The following AK2 variants were observed in gnomAD, a reference collection of about 807,000 sequenced individuals.
AK2 encodes the protein adenylate kinase 2, mitochondrial.
AK2 carries 15 observed loss-of-function variants against 24.6 expected under a neutral mutation model. That is an observed-to-expected ratio of 0.61 (90% CI 0.41 to 0.94). The LOEUF (loss-of-function observed/expected upper bound fraction) is 0.94, where lower values mean the gene tolerates loss of function less well. AK2 is among the 40% of genes least tolerant of loss of function. AK2 has a pLI of 0.00. For missense variants in AK2, 257 were observed against 304.1 expected (o/e 0.85, Z 1.15); for synonymous variants, 102 against 114.0 (o/e 0.90, Z 0.67).
chr1:33,015,954 G>C (rs957310487), intron 4 of AK2, among the ~76,000 whole-genome samples: 4 of 152,124 alleles, frequency 2.6e-5, no homozygotes, highest in African/African-American at 9.7e-5. Context: ...TCTGTAAAAT[G>C]TGCTACTTTC....
rs1361000775 is a variant in AK2 at position 33,009,912 on chromosome 1, A to C, written c.*3269T>G. 1 of 441,308 alleles carries C rather than the reference A, an allele frequency of 2.3e-6. No homozygotes were observed. The highest frequency in any genetic ancestry group is 4.5e-6 in the Non-Finnish European group (1 of 221,394). The allele number at this position is 441,308 out of a possible 1,614,324, so 27.3% of individuals were successfully genotyped here. A position where few individuals can be genotyped will look rare whatever the true frequency, so the allele number is the denominator to read the frequency against. On this transcript the variant is annotated 3_prime_UTR_variant, in exon 6 of 6. Coordinates refer to ENST00000672715, the MANE Select transcript of AK2 (RefSeq NM_001625.4). ...TAGATTATCTAAAAAAAATGCCACA[A>C]CAGGGGATACAAATTTTAACATATT...
rs949197052 is a variant in AK2, at chr1:33,026,127, A to G, written c.94-1560T>C. On this transcript the variant is annotated intron_variant, in intron 1 of 5. Transcript: ENST00000672715. ...GCTCAATTTTAGCTTTTTCCGTTCAATTGTTTTATAAACTAAGCAGGTTTA... is the reference window on the plus strand; with the variant it reads ...GCTCAATTTTAGCTTTTTCCGTTCAGTTGTTTTATAAACTAAGCAGGTTTA... 2.6e-5 allele frequency among the ~76,000 whole-genome samples: 4 copies of G among 152,228 alleles called. No homozygotes were observed. In the South Asian group the frequency reaches 8.3e-4, roughly 32 times the overall value.
At chr1:33,024,601 T>C in intron 1 of AK2, 34 bp from the exon 2 acceptor site, 2 of 1,613,838 alleles carry the variant, frequency 1.2e-6, no homozygotes, top group Non-Finnish European at 1.7e-6. Context: ...AAGATTCAAT[T>C]ACATTACAGG....
At position 33,036,726 on chromosome 1, in the gene AK2, T is replaced by G; in HGVS notation, c.93+10A>C. ...CAGGCTCCGCCGCCAAGCCCAGTCC[T>G]GCCGCTCACCTGGGTCCCTTTACCG... On this transcript the variant is annotated intron_variant, in intron 1 of 5. Transcript: ENST00000672715. 6.4e-7 allele frequency: 1 copy of G among 1,571,876 alleles called. No homozygotes were observed. The highest frequency in any genetic ancestry group is 8.6e-7 in the Non-Finnish European group (1 of 1,156,776).
Position 33,010,969 on chromosome 1 carries a change from C to T in AK2, c.*2212G>A, listed in dbSNP as rs970782050. 2 of 1,548,848 alleles carry T rather than the reference C, an allele frequency of 1.3e-6. No homozygotes were observed. Among genetic ancestry groups the T allele is most frequent in the Non-Finnish European group, 1.7e-6 (2 of 1,146,464 alleles). ...ATTTCTGTGACAGGTAAAAGCAGAA[C>T]CTGCTGAGGCTGAGGAACTCTGGAA... On this transcript the variant is annotated 3_prime_UTR_variant, in exon 6 of 6. Transcript: ENST00000672715.
In AK2 at chr1:33,020,123, C is replaced by T. The variant is rs1387938836; in HGVS notation, c.425+1244G>A. ...CTAAAGCAGTGTTGGTCTGTCAGAA[C>T]AAACGTGTCCAGAAGCAGAGGCATT... On this transcript the variant is annotated intron_variant, in intron 4 of 5. Coordinates refer to ENST00000672715, the MANE Select transcript of AK2 (RefSeq NM_001625.4). 6 of 1,533,730 alleles carry T rather than the reference C, an allele frequency of 3.9e-6. No homozygotes were observed. The African/African-American group carries it at 5.5e-5, about 14-fold the overall frequency.
chr1:33,008,570 A>T lies in AK2; in HGVS notation c.*4611T>A. On this transcript the variant is annotated 3_prime_UTR_variant, in exon 6 of 6. Transcript: ENST00000672715. ...GCAGAGCTACGCAAGTAATTAAATC[A>T]CTTCAGCAACAAGATCAAGGGGACG... 1 of 454,058 alleles carries T rather than the reference A, an allele frequency of 2.2e-6. No individual in the cohort carries two copies. The highest frequency in any genetic ancestry group is 4.4e-6 in the Non-Finnish European group (1 of 226,778). The allele number at this position is 454,058 out of a possible 1,614,324, so 28.1% of individuals were successfully genotyped here. A position where few individuals can be genotyped will look rare whatever the true frequency, so the allele number is the denominator to read the frequency against.
chr1:33,013,502 T>G lies in AK2; in HGVS notation c.499-100A>C. On this transcript the variant is annotated intron_variant, in intron 5 of 5. Coordinates refer to ENST00000672715, the MANE Select transcript of AK2 (RefSeq NM_001625.4). ...TGAGATGGGACCATTCTGCCCAGGA[T>G]GCTGTCTGTTCCCAAAGCCCATCAG... 3.2e-6 allele frequency: 5 copies of G among 1,543,952 alleles called. No homozygotes were observed. In the East Asian group the frequency reaches 1.2e-4, roughly 38 times the overall value.
chr1:33,011,494 A>G lies in AK2; in HGVS notation c.*1687T>C. ...GCAAGGTGGCCAGGTACTCATGCCC[A>G]GTTGCCATGTGGACAGCAGATAAGA... On this transcript the variant is annotated 3_prime_UTR_variant, in exon 6 of 6. Coordinates refer to ENST00000672715, the MANE Select transcript of AK2 (RefSeq NM_001625.4). 1 of 1,287,474 alleles carries G rather than the reference A, an allele frequency of 7.8e-7. No individual in the cohort carries two copies. Among genetic ancestry groups the G allele is most frequent in the African/African-American group, 1.5e-5 (1 of 65,926 alleles). The allele number at this position is 1,287,474 out of a possible 1,614,324, so 79.8% of individuals were successfully genotyped here. A position where few individuals can be genotyped will look rare whatever the true frequency, so the allele number is the denominator to read the frequency against.
intron 2 of AK2, chr1:33,024,199 C>T: frequency 1.9e-6 from 1 of 538,176 alleles, no homozygotes; most frequent in Non-Finnish European, 3.3e-6. Context: ...TTCCTATAAT[C>T]TGCCAGTTTG....
chr1:33,031,560 C>T (rs760946023), intron 1 of AK2: 85 of 455,884 alleles, frequency 1.9e-4, no homozygotes, highest in African/African-American at 1.6e-3. Context: ...CAGTAGATAG[C>T]AGCAGAAAGA....
At chr1:33,025,124 G>A (rs1340456981) in intron 1 of AK2, among the ~76,000 whole-genome samples, 1 of 149,478 alleles carries the variant, frequency 6.7e-6, no homozygotes, top group Non-Finnish European at 1.5e-5. Flanking sequence ...GGCAGAGGCT[G>A]CAGTGAGCTG....
chr1:33,029,330 TC>T (rs1429861291), intron 1 of AK2: 1 of 152,186 alleles, frequency 6.6e-6, no homozygotes, highest in African/African-American at 2.4e-5. Flanking sequence ...CTGCTCTTTT[TC>T]TGACCTGGGC....
intron 1 of AK2, among the ~76,000 whole-genome samples, chr1:33,036,310 C>G (rs753205632): frequency 3.9e-4 from 59 of 152,178 alleles, no homozygotes; most frequent in Admixed American, 2.5e-3. Context: ...TCAAAATCTC[C>G]CGACCTCCAG....
chr1:33,009,516 T>C lies in AK2; in HGVS notation c.*3665A>G, dbSNP rs879531000. ...TATATCTGGATCCAACTAACATTTA[T>C]CCAATGTCTGTTGCATGCCAGGTAC... On this transcript the variant is annotated 3_prime_UTR_variant, in exon 6 of 6. Coordinates refer to ENST00000672715, the MANE Select transcript of AK2 (RefSeq NM_001625.4). 21 of 454,052 alleles carry C rather than the reference T, an allele frequency of 4.6e-5. No homozygotes were observed. The highest frequency in any genetic ancestry group is 2.0e-4 in the African/African-American group (10 of 50,024). 28.1% of individuals were successfully genotyped at this position (454,052 alleles called of 1,614,324 possible). A position where few individuals can be genotyped will look rare whatever the true frequency, so the allele number is the denominator to read the frequency against.
intron 2 of AK2, among the ~76,000 whole-genome samples, chr1:33,023,178 A>G (rs1276701241): frequency 6.6e-6 from 1 of 152,220 alleles, no homozygotes; most frequent in Non-Finnish European, 1.5e-5. Flanking sequence ...CAAGTTCCAG[A>G]ATAACTCAGT....
At position 33,024,559 on chromosome 1, in the gene AK2, T is replaced by G. The variant is rs757836814; in HGVS notation, c.102A>C (p.Arg34Ser). 2 of 1,614,146 alleles carry G rather than the reference T, an allele frequency of 1.2e-6. No individual in the cohort carries two copies. Among genetic ancestry groups the G allele is most frequent in the South Asian group, 2.2e-5 (2 of 91,086 alleles). The change falls in exon 2 of 6, where the codon AGA becomes AGC. Residue 34 changes from arginine (R) to serine (S), a missense_variant. Arg to Ser is a moderately radical substitution (Grantham distance 110). Coordinates refer to ENST00000672715, the MANE Select transcript of AK2 (RefSeq NM_001625.4). ...GGCAGACACAGAAGTTTTCAGCCAA[T>G]CTGGGTGCCTACAGAGAGGAAGACA... ...PGAGKGTQAPRLAENFCVCHL... is the reference protein window; with the variant it reads ...PGAGKGTQAPSLAENFCVCHL...
Position 33,008,509 on chromosome 1 carries a change from G to A in AK2, c.*4672C>T. ...GTTCCGGCAGCGCTGAGTGTCCATG[G>A]AAAAGAGCTCTTATTCAGAGCAGCC... On this transcript the variant is annotated 3_prime_UTR_variant, in exon 6 of 6. Transcript: ENST00000672715. 2.2e-6 allele frequency: 1 copy of A among 454,070 alleles called. No individual in the cohort carries two copies. The highest frequency in any genetic ancestry group is 1.6e-5 in the South Asian group (1 of 64,478). The allele number at this position is 454,070 out of a possible 1,614,324, so 28.1% of individuals were successfully genotyped here.
chr1:33,034,453 C>T (rs1640448457), intron 1 of AK2, among the ~76,000 whole-genome samples: 1 of 126,428 alleles, frequency 7.9e-6, no homozygotes, highest in Non-Finnish European at 1.6e-5. Context: ...GCTTGATACA[C>T]ACACACACAC....
Sources: allele counts gnomAD v4.1 joint callset (sites outside exome capture counted in the v4.1 genomes callset), GRCh38; gene constraint gnomAD v4.1.1; transcripts MANE v1.5; gene names NCBI Gene and HGNC (gene_info 2026-07-23, HGNC 2026-07-21).